Variants in N4BP2 observed in about 807,000 individuals in gnomAD.
N4BP2 encodes the protein NEDD4-binding protein 2.
Under a neutral mutation model 152.8 loss-of-function variants are expected in N4BP2, and 91 were observed. That is an observed-to-expected ratio of 0.60 (90% CI 0.50 to 0.71). N4BP2 has a LOEUF of 0.71. Ranked by LOEUF, N4BP2 falls within the 30% of genes least tolerant of loss-of-function variation. The pLI is 0.00. For synonymous variants in N4BP2, 646 were observed against 705.3 expected, an observed-to-expected ratio of 0.92 and a Z score of 1.33; for missense variants, 1,923 against 2,059.1, an observed-to-expected ratio of 0.93 and a Z score of 1.28.
rs183606393 is a variant in N4BP2, at chr4:40,157,784, T to C, written c.*3547T>C. 2 of 152,324 alleles carry C rather than the reference T, an allele frequency of 1.3e-5. No homozygotes were observed. Among genetic ancestry groups the C allele is most frequent in the East Asian group, 3.8e-4 (2 of 5,196 alleles). The allele number at this position is 152,324 out of a possible 1,614,324, so 9.4% of individuals were successfully genotyped here. ...TGTCATTTAAAAGGTAAAATAAGTTTATGTAGAATGTATGTTCATGGTGCT... is the reference window on the plus strand; with the variant it reads ...TGTCATTTAAAAGGTAAAATAAGTTCATGTAGAATGTATGTTCATGGTGCT... On this transcript the variant is annotated 3_prime_UTR_variant, in exon 18 of 18. Coordinates refer to ENST00000261435, the MANE Select transcript of N4BP2 (RefSeq NM_018177.6).
At chr4:40,115,789 T>C (rs1199702536) in intron 7 of N4BP2, among the ~76,000 whole-genome samples, 3 of 152,188 alleles carry the variant, frequency 2.0e-5, no homozygotes, top group African/African-American at 7.2e-5. Context: ...TTTTTATACA[T>C]TTCATATTTG....
intron 1 of N4BP2, among the ~76,000 whole-genome samples, chr4:40,065,429 G>A (rs1259613264): frequency 6.6e-6 from 1 of 152,172 alleles, no homozygotes; most frequent in Non-Finnish European, 1.5e-5. Context: ...GGACCTAGAA[G>A]AGGTAAATCG....
the N4BP2 span, among the ~76,000 whole-genome samples, chr4:40,181,288 G>A: frequency 6.6e-6 from 1 of 152,144 alleles, no homozygotes; most frequent in South Asian, 2.1e-4. Context: ...TTTCAAGCAA[G>A]CTTGAAACTT....
intron 2 of N4BP2, among the ~76,000 whole-genome samples, chr4:40,077,397 C>T (rs1344216518): frequency 2.6e-5 from 4 of 151,366 alleles, no homozygotes; most frequent in Admixed American, 1.3e-4. Flanking sequence ...ATCTGCCTGC[C>T]TCGGCCTCCC....
intron 1 of N4BP2, among the ~76,000 whole-genome samples, chr4:40,061,899 G>A (rs1445519026): frequency 3.3e-5 from 5 of 151,168 alleles, no homozygotes; most frequent in Middle Eastern, 3.3e-3. Context: ...TCCTGACCTC[G>A]GGTGATCTGC....
At chr4:40,105,782 C>T (rs749679470) in intron 4 of N4BP2, among the ~76,000 whole-genome samples, 6 of 152,086 alleles carry the variant, frequency 3.9e-5, no homozygotes, top group Non-Finnish European at 7.4e-5. Context: ...AACTCCTGGG[C>T]TCAAGCAGTC....
At chr4:40,164,057 G>A in the N4BP2 span, among the ~76,000 whole-genome samples, 5 of 152,138 alleles carry the variant, frequency 3.3e-5, no homozygotes, top group African/African-American at 1.2e-4. Context: ...AGTGATTGGC[G>A]GATAGGTATG....
chr4:40,131,993 A>G (rs1718945128), intron 13 of N4BP2, 74 bp downstream of exon 13: 17 of 935,084 alleles, frequency 1.8e-5, no homozygotes, highest in African/African-American at 3.3e-5. Flanking sequence ...TATTTTTCTG[A>G]TAACAAAAAT....
chr4:40,067,189 G>C (rs187067596), intron 1 of N4BP2, among the ~76,000 whole-genome samples: 46 of 150,830 alleles, frequency 3.0e-4, no homozygotes, highest in African/African-American at 1.1e-3. Flanking sequence ...CTTCTGAGTA[G>C]CTGGAACCAC....
At chr4:40,177,147 G>A in the N4BP2 span, among the ~76,000 whole-genome samples, 10 of 152,170 alleles carry the variant, frequency 6.6e-5, no homozygotes, top group South Asian at 1.2e-3. Context: ...CCTGGAGGGG[G>A]TCGTGCCTAG....
chr4:40,064,879 C>T (rs1438991686), intron 1 of N4BP2, among the ~76,000 whole-genome samples: 2 of 152,174 alleles, frequency 1.3e-5, no homozygotes, highest in African/African-American at 4.8e-5. Flanking sequence ...AAGCGATTCT[C>T]CTGCCTCAGC....
At chr4:40,071,158 T>C (rs1560570447) in intron 1 of N4BP2, among the ~76,000 whole-genome samples, 2 of 152,180 alleles carry the variant, frequency 1.3e-5, no homozygotes, top group South Asian at 2.1e-4. Flanking sequence ...CACCTCCTTC[T>C]CTACTCTGCC....
In N4BP2 at chr4:40,126,247, G is replaced by A; in HGVS notation, c.4444G>A (p.Asp1482Asn). Residue 1482 changes from aspartate (D) to asparagine (N), a missense_variant, in exon 12 of 18, where the codon GAT becomes AAT. Physicochemically the swap from Asp to Asn is conservative, Grantham distance 23. Coordinates refer to ENST00000261435, the MANE Select transcript of N4BP2 (RefSeq NM_018177.6). Reference sequence around the variant, plus strand: ...AGCATCTGAAATGCTACCTTTATTGGATCATTGGAATACTCAAACTAAAAA... The same window carrying A: ...AGCATCTGAAATGCTACCTTTATTGAATCATTGGAATACTCAAACTAAAAA... ...LTASEMLPLL[D>N]HWNTQTKKVS... 1.9e-6 allele frequency: 3 copies of A among 1,605,548 alleles called. No homozygotes were observed. The highest frequency in any genetic ancestry group is 2.6e-6 in the Non-Finnish European group (3 of 1,175,460).
At position 40,120,569 on chromosome 4, in the gene N4BP2, A is replaced by G; in HGVS notation, c.2458A>G (p.Asn820Asp). Residue 820 changes from asparagine (N) to aspartate (D), a missense_variant, in exon 9 of 18, where the codon AAT becomes GAT. Transcript: ENST00000261435. ...TSSVQSDKKY[N>D]YPQSHKLVNS... ...ATCCGTACAAAGCGACAAAAAGTAT[A>G]ATTACCCTCAGTCACACAAATTAGT... The G allele has an allele frequency of 6.2e-7, 1 of 1,614,154 alleles. No individual in the cohort carries two copies. The highest frequency in any genetic ancestry group is 8.5e-7 in the Non-Finnish European group (1 of 1,180,022).
At chr4:40,064,501 C>T (rs1435656775) in intron 1 of N4BP2, among the ~76,000 whole-genome samples, 5 of 151,962 alleles carry the variant, frequency 3.3e-5, no homozygotes, top group Non-Finnish European at 5.9e-5. Flanking sequence ...TCTCAAACTC[C>T]CGACCTTGTG....
chr4:40,078,112 A>AGTGTGT lies in N4BP2; in HGVS notation c.-115+4561_-115+4562insGTGTGT, dbSNP rs1560574647. 1.5e-4 allele frequency: 14 copies of AGTGTGT among 92,788 alleles called. No individual in the cohort carries two copies. The East Asian group carries it at 6.5e-3, about 43-fold the overall frequency. The allele number at this position is 92,788 out of a possible 1,614,324, so 5.7% of individuals were successfully genotyped here. A position where few individuals can be genotyped will look rare whatever the true frequency, so the allele number is the denominator to read the frequency against. On this transcript the variant is annotated intron_variant, in intron 2 of 17. Transcript: ENST00000261435. The stretch of plus-strand genomic sequence containing the variant: ...AAGCTTCTGATGTTGAATATTTCTA[A>AGTGTGT]ATGTGTGTGTGTGTGTGTGTGTGTG...
chr4:40,154,163 T>G, intron 17 of N4BP2, 29 bp from the exon 18 acceptor site: 1 of 1,556,438 alleles, frequency 6.4e-7, no homozygotes, highest in Non-Finnish European at 8.8e-7. Flanking sequence ...ATTTTCATCT[T>G]TAAAATAACT....
intron 14 of N4BP2, among the ~76,000 whole-genome samples, chr4:40,138,609 T>G (rs975695290): frequency 6.6e-6 from 1 of 152,246 alleles, no homozygotes; most frequent in African/African-American, 2.4e-5. Context: ...TTCAAGTTGA[T>G]TCTTTCGCAT....
intron 7 of N4BP2, among the ~76,000 whole-genome samples, chr4:40,116,168 A>G (rs548739210): frequency 4.5e-4 from 68 of 152,158 alleles, no homozygotes; most frequent in Middle Eastern, 3.4e-3. Flanking sequence ...TTTACTTTGA[A>G]TATTTTTATG....
Sources: gnomAD v4.1 joint callset for allele counts (sites outside exome capture counted in the v4.1 genomes callset) on GRCh38, gnomAD v4.1.1 for gene constraint, MANE v1.5 for transcripts, NCBI Gene and HGNC (gene_info 2026-07-23, HGNC 2026-07-21) for gene names.